CAPN9: variants seen among roughly 807,000 people sequenced by gnomAD.
The protein encoded by CAPN9 is calpain-9.
Under a neutral mutation model 92.8 loss-of-function variants are expected in CAPN9, and 81 were observed. The ratio of observed to expected loss-of-function variants is 0.87; its 90% CI spans 0.73 to 1.05. The LOEUF is 1.05. Among genes scored for constraint, CAPN9 ranks in the 50% least tolerant of loss-of-function variants. The pLI is 0.00. For synonymous variants in CAPN9, 304 were observed against 328.0 expected (o/e 0.93, Z 0.79); for missense variants, 848 against 866.2 (o/e 0.98, Z 0.26).
chr1:230,766,343 C>A (rs1391061621), intron 4 of CAPN9, among the ~76,000 whole-genome samples: 1 of 152,150 alleles, frequency 6.6e-6, no homozygotes, highest in African/African-American at 2.4e-5. Context: ...ATTGATGGGG[C>A]ACATTTGATA....
chr1:230,785,812 G>A (rs151141615), intron 11 of CAPN9, among the ~76,000 whole-genome samples, 169 bp from the exon 12 acceptor site: 4 of 152,176 alleles, frequency 2.6e-5, no homozygotes, highest in Non-Finnish European at 4.4e-5. Context: ...GTGACTAAGG[G>A]TGGGGGTGTC....
intron 12 of CAPN9, 21 bp downstream of exon 12, chr1:230,786,038 A>G (rs762714168): frequency 1.7e-5 from 28 of 1,612,836 alleles, no homozygotes; most frequent in Admixed American, 6.7e-5. Context: ...TGATGTTGCT[A>G]TGGAGTATGG....
intron 19 of CAPN9, among the ~76,000 whole-genome samples, chr1:230,799,590 G>T (rs1302225504): frequency 1.3e-5 from 2 of 152,144 alleles, no homozygotes; most frequent in Non-Finnish European, 2.9e-5. Context: ...TAGCTATTTT[G>T]TTATAATCAC....
intron 19 of CAPN9, among the ~76,000 whole-genome samples, chr1:230,800,373 T>C (rs1432396792): frequency 1.3e-5 from 2 of 151,902 alleles, no homozygotes; most frequent in African/African-American, 4.8e-5. Flanking sequence ...TGATAAGTAA[T>C]GTCACTAAAA....
intron 6 of CAPN9, among the ~76,000 whole-genome samples, chr1:230,769,482 G>T (rs1406326448): frequency 6.6e-6 from 1 of 152,186 alleles, no homozygotes; most frequent in Non-Finnish European, 1.5e-5. Context: ...GCAGCTGTAA[G>T]CGCCTGGTCT....
At chr1:230,786,146 T>C (rs987379026) in intron 12 of CAPN9, 129 bp downstream of exon 12, 2 of 1,579,024 alleles carry the variant, frequency 1.3e-6, no homozygotes, top group African/African-American at 2.7e-5. Context: ...TAAGCATCTA[T>C]GATTCTAACC....
Position 230,780,688 on chromosome 1 carries a change from A to G in CAPN9, c.1461A>G (p.Ser487=). 6.2e-7 allele frequency: 1 copy of G among 1,614,090 alleles called. No homozygotes were observed. Residue 487 remains serine, a synonymous_variant, in exon 11 of 20, where the codon TCA becomes TCG. Transcript: ENST00000271971. The part of the protein sequence containing the change: ...QEADFCLRIF[S]EKKAITRDMD... ...CTGATTTCTGTCTGAGAATCTTTTCAGAGAAAAAAGCCATTACCCGGTGAG... is the reference window on the plus strand; with the variant it reads ...CTGATTTCTGTCTGAGAATCTTTTCGGAGAAAAAAGCCATTACCCGGTGAG...
chr1:230,747,563 C>T lies in CAPN9; in HGVS notation c.67C>T (p.His23Tyr). The change falls in exon 1 of 20, where the codon CAC becomes TAC. Residue 23 changes from histidine (H) to tyrosine (Y), a missense_variant. His to Tyr is a moderately conservative substitution (Grantham distance 83). Coordinates refer to ENST00000271971, the MANE Select transcript of CAPN9 (RefSeq NM_006615.3). ...HPVPKDARIT[H>Y]SSGQSFEQMR... ...GGTTCCCAAGGACGCCCGGATCACC[C>T]ACTCCTCAGGCCAGAGCTTTGAGCA... The T allele has an allele frequency of 1.2e-6, 2 of 1,614,202 alleles. No individual in the cohort carries two copies. The highest frequency in any genetic ancestry group is 1.7e-6 in the Non-Finnish European group (2 of 1,180,042).
chr1:230,800,434 T>C (rs957713068), intron 19 of CAPN9, among the ~76,000 whole-genome samples: 2 of 151,806 alleles, frequency 1.3e-5, no homozygotes, highest in Non-Finnish European at 2.9e-5. Context: ...AAGGAGACAG[T>C]GGGAAGGTTT....
chr1:230,762,848 T>C (rs1315774313), intron 4 of CAPN9, 62 bp downstream of exon 4: 2 of 1,531,524 alleles, frequency 1.3e-6, no homozygotes, highest in South Asian at 1.2e-5. Flanking sequence ...CTAGTCTTTG[T>C]AGTGAGCATC....
chr1:230,759,437 C>G (rs1206325412), intron 2 of CAPN9, 75 bp from the exon 3 acceptor site: 27 of 1,026,886 alleles, frequency 2.6e-5, no homozygotes, highest in Non-Finnish European at 3.7e-5. Flanking sequence ...TCCCCACATC[C>G]CCTTCTGACA....
In CAPN9 at chr1:230,792,437, T is replaced by C. The variant is rs778854189; in HGVS notation, c.1734T>C (p.Asn578=). 2 of 1,613,646 alleles carry C rather than the reference T, an allele frequency of 1.2e-6. No individual in the cohort carries two copies. Among genetic ancestry groups the C allele is most frequent in the Admixed American group, 1.7e-5 (1 of 60,000 alleles). ...CCCACATGGCACAGACCAGCGGCAA[T>C]GGGAAGCTGGAGTTTGATGAATTCA... The part of the protein sequence containing the change: ...NIISLMDTSG[N]GKLEFDEFKV... The change falls in exon 16 of 20, where the codon AAT becomes AAC. Residue 578 remains asparagine (N), a synonymous_variant. Coordinates refer to ENST00000271971, the MANE Select transcript of CAPN9 (RefSeq NM_006615.3).
At chr1:230,777,520 A>C (rs1666889674) in intron 8 of CAPN9, among the ~76,000 whole-genome samples, 2 of 147,468 alleles carry the variant, frequency 1.4e-5, no homozygotes, top group African/African-American at 2.5e-5. Context: ...TCCCCTTAGC[A>C]CTCCAACACT....
Position 230,798,221 on chromosome 1 carries a change from G to T in CAPN9, c.2046+1G>T. The T allele has an allele frequency of 6.2e-7, 1 of 1,607,222 alleles. No individual in the cohort carries two copies. ...GTTCATTCATCTCAATATAAATGAG[G>T]TATGGCCAATCCAGACCCTCTGCTC... On this transcript the variant is annotated splice_donor_variant, in intron 19 of 19. Transcript: ENST00000271971. LOFTEE classifies it high-confidence loss of function.
At chr1:230,795,386 CAG>C (rs1668284646) in intron 18 of CAPN9, 107 bp downstream of exon 18, 1 of 694,276 alleles carries the variant, frequency 1.4e-6, no homozygotes, top group South Asian at 1.7e-5. Context: ...AGATAGACCA[CAG>C]AGAGCCATGG....
intron 3 of CAPN9, 26 bp from the exon 4 acceptor site, chr1:230,762,627 A>G: frequency 6.2e-7 from 1 of 1,611,874 alleles, no homozygotes; most frequent in Non-Finnish European, 8.5e-7. Flanking sequence ...GACTCGCATC[A>G]TTTCTGTCTT....
Position 230,801,783 on chromosome 1 carries a change from C to T in CAPN9, c.*187C>T, listed in dbSNP as rs935384294. On this transcript the variant is annotated 3_prime_UTR_variant, in exon 20 of 20. Transcript: ENST00000271971. ...AGCTACACTCTCTGATTTTGTGCTA[C>T]TCCTTTGTAAAGTCACTGCCTTAAG... The T allele has an allele frequency of 4.7e-6, 3 of 642,246 alleles. No homozygotes were observed. The Admixed American group carries it at 7.4e-5, about 16-fold the overall frequency. 39.8% of individuals were successfully genotyped at this position (642,246 alleles called of 1,614,324 possible).
chr1:230,792,199 A>G (rs1044177839), intron 15 of CAPN9, among the ~76,000 whole-genome samples: 1 of 150,338 alleles, frequency 6.7e-6, no homozygotes, highest in Non-Finnish European at 1.5e-5. Context: ...CCAAGGGAAC[A>G]GAGTTCTGTT....
chr1:230,781,337 CA>C (rs1224621486), intron 11 of CAPN9, among the ~76,000 whole-genome samples: 1 of 152,124 alleles, frequency 6.6e-6, no homozygotes, highest in African/African-American at 2.4e-5. Context: ...ACCCTATTAC[CA>C]AGAAGCTTCT....
Sources: gnomAD v4.1 joint callset for allele counts (sites outside exome capture counted in the v4.1 genomes callset) on GRCh38, gnomAD v4.1.1 for gene constraint, MANE v1.5 for transcripts, NCBI Gene and HGNC (gene_info 2026-07-23, HGNC 2026-07-21) for gene names.